Variants in KCNIP4 observed in about 807,000 individuals in gnomAD.
KCNIP4 encodes the protein potassium voltage-gated channel interacting protein 4.
In KCNIP4, 12 loss-of-function variants were observed where a neutral mutation model predicts 34.0. The ratio of observed to expected loss-of-function variants is 0.35; its 90% CI spans 0.23 to 0.57. KCNIP4 has a LOEUF of 0.57. Among genes scored for constraint, KCNIP4 ranks in the 20% least tolerant of loss-of-function variants. The pLI, the probability that KCNIP4 is intolerant of heterozygous loss-of-function variation, is 0.83. For synonymous variants in KCNIP4, 124 were observed against 102.2 expected, an observed-to-expected ratio of 1.21 and a Z score of -1.29; for missense variants, 238 against 311.7, an observed-to-expected ratio of 0.76 and a Z score of 1.78.
intron 1 of KCNIP4, among the ~76,000 whole-genome samples, chr4:21,221,102 G>T (rs1386811984): frequency 6.6e-6 from 1 of 152,062 alleles, no homozygotes; most frequent in Non-Finnish European, 1.5e-5. Context: ...TGCTCCTTAG[G>T]CCTCCAGTGG....
chr4:20,854,418 C>G (rs1388462907), intron 2 of KCNIP4, among the ~76,000 whole-genome samples: 1 of 152,158 alleles, frequency 6.6e-6, no homozygotes, highest in South Asian at 2.1e-4. Context: ...TGTGTTCTCA[C>G]TGATTTGTGT....
intron 1 of KCNIP4, among the ~76,000 whole-genome samples, chr4:21,567,721 A>G (rs917110539): frequency 6.6e-6 from 1 of 152,122 alleles, no homozygotes; most frequent in Non-Finnish European, 1.5e-5. Context: ...ATACCTTTCC[A>G]TTCCCCACCC....
intron 3 of KCNIP4, among the ~76,000 whole-genome samples, chr4:20,826,857 T>C (rs1361876651): frequency 6.6e-6 from 1 of 152,168 alleles, no homozygotes; most frequent in African/African-American, 2.4e-5. Context: ...AACAAGGTCT[T>C]CTAAAAGTGA....
rs765906146 is a variant in KCNIP4, at chr4:21,224,578, G to GTTTTTT, written c.62-341875_62-341870dup. Among the ~76,000 whole-genome samples the GTTTTTT allele has an allele frequency of 8.9e-5, 4 of 44,898 alleles. 1 individual carries two copies. The highest frequency in any genetic ancestry group is 4.0e-4 in the African/African-American group (4 of 9,924). 29.5% of individuals were successfully genotyped at this position (44,898 alleles called of 152,430 possible). On this transcript the variant is annotated intron_variant, in intron 1 of 8. Coordinates refer to ENST00000382152, the MANE Select transcript of KCNIP4 (RefSeq NM_025221.6). ...TGGTTCTACTTACAATTTTTCAACT[G>GTTTTTT]TTTTTTTTTTTTTTTTTTTTTTTTT...
At chr4:21,541,601 C>T (rs1301641833) in intron 1 of KCNIP4, among the ~76,000 whole-genome samples, 4 of 152,120 alleles carry the variant, frequency 2.6e-5, no homozygotes, top group African/African-American at 9.7e-5. Flanking sequence ...TAAATTCTAG[C>T]AAAATGTTCA....
intron 1 of KCNIP4, among the ~76,000 whole-genome samples, chr4:21,316,827 AT>A (rs1448612754): frequency 6.6e-6 from 1 of 152,210 alleles, no homozygotes; most frequent in Non-Finnish European, 1.5e-5. Flanking sequence ...TGTTTACTGT[AT>A]TGAACATTCA....
intron 1 of KCNIP4, among the ~76,000 whole-genome samples, chr4:21,220,592 C>CT (rs1158440500): frequency 1.3e-5 from 2 of 151,740 alleles, no homozygotes; most frequent in Non-Finnish European, 2.9e-5. Flanking sequence ...AAGAAGTTCT[C>CT]TTTTTTTACA....
intron 1 of KCNIP4, among the ~76,000 whole-genome samples, chr4:21,535,010 T>C (rs1183694661): frequency 6.6e-6 from 1 of 152,118 alleles, no homozygotes; most frequent in East Asian, 1.9e-4. Flanking sequence ...TCTCATTCCA[T>C]TTTTTCCATT....
intron 1 of KCNIP4, among the ~76,000 whole-genome samples, chr4:21,323,533 G>C (rs181618542): frequency 2.6e-5 from 4 of 151,988 alleles, no homozygotes; most frequent in Non-Finnish European, 5.9e-5. Flanking sequence ...TTCTGTGCCT[G>C]GCTTATTTCA....
At chr4:20,941,769 G>A (rs1362619934) in intron 1 of KCNIP4, among the ~76,000 whole-genome samples, 1 of 152,186 alleles carries the variant, frequency 6.6e-6, no homozygotes, top group Non-Finnish European at 1.5e-5. Context: ...CTTCCAGAGA[G>A]TGAGGAGGAA....
chr4:21,859,455 A>G (rs889215868), intron 1 of KCNIP4, among the ~76,000 whole-genome samples: 1 of 114,546 alleles, frequency 8.7e-6, no homozygotes, highest in African/African-American at 3.6e-5. Flanking sequence ...AAAAATACAA[A>G]AAAAAAAAAA....
Position 20,981,124 on chromosome 4 carries a change from T to A in KCNIP4, c.62-98415A>T, listed in dbSNP as rs1390110117. 3.9e-5 allele frequency among the ~76,000 whole-genome samples: 6 copies of A among 152,196 alleles called. No individual in the cohort carries two copies. The South Asian group carries it at 1.0e-3, about 26-fold the overall frequency. ...GGTGTCACCTTCTCATTGGACTTCATCCTCAGACTCTGCTTGAACTGGACA... is the reference window on the plus strand; with the variant it reads ...GGTGTCACCTTCTCATTGGACTTCAACCTCAGACTCTGCTTGAACTGGACA... On this transcript the variant is annotated intron_variant, in intron 1 of 8. Transcript: ENST00000382152.
chr4:21,447,737 A>C (rs1052886586), intron 1 of KCNIP4, among the ~76,000 whole-genome samples: 2 of 152,164 alleles, frequency 1.3e-5, no homozygotes, highest in Non-Finnish European at 2.9e-5. Flanking sequence ...GTCTTTCTCA[A>C]AATATCTTAT....
chr4:20,744,952 CA>C (rs1431747884), intron 5 of KCNIP4, among the ~76,000 whole-genome samples: 1 of 152,118 alleles, frequency 6.6e-6, no homozygotes, highest in African/African-American at 2.4e-5. Context: ...TCAGGAAGCA[CA>C]TTTTATCCCT....
intron 1 of KCNIP4, among the ~76,000 whole-genome samples, chr4:21,691,544 C>T (rs145663354): frequency 1.2e-3 from 190 of 152,138 alleles, no homozygotes; most frequent in Middle Eastern, 3.4e-3. Flanking sequence ...AGATCACAAT[C>T]GATGTATAAT....
intron 1 of KCNIP4, among the ~76,000 whole-genome samples, chr4:21,207,578 T>C (rs2108968918): frequency 6.6e-6 from 1 of 152,288 alleles, no homozygotes; most frequent in African/African-American, 2.4e-5. Context: ...CTATGGCACA[T>C]ATCTAGACTA....
At chr4:21,146,549 T>C (rs1223791031) in intron 1 of KCNIP4, among the ~76,000 whole-genome samples, 1 of 152,216 alleles carries the variant, frequency 6.6e-6, no homozygotes, top group Non-Finnish European at 1.5e-5. Context: ...GCTGTACTTC[T>C]AAAGTGATGA....
intron 1 of KCNIP4, among the ~76,000 whole-genome samples, chr4:21,887,661 G>A (rs1726858139): frequency 6.6e-6 from 1 of 152,092 alleles, no homozygotes; most frequent in East Asian, 1.9e-4. Flanking sequence ...TCATGCTTAA[G>A]GAAATTATGC....
intron 1 of KCNIP4, among the ~76,000 whole-genome samples, chr4:21,331,015 G>T (rs966654054): frequency 1.3e-5 from 2 of 152,128 alleles, no homozygotes; most frequent in Non-Finnish European, 2.9e-5. Flanking sequence ...TTGTTCCTGT[G>T]TCCTACTCTT....
Sources: gnomAD v4.1 joint callset for allele counts (sites outside exome capture counted in the v4.1 genomes callset) on GRCh38, gnomAD v4.1.1 for gene constraint, MANE v1.5 for transcripts, NCBI Gene and HGNC (gene_info 2026-07-23, HGNC 2026-07-21) for gene names.